Variants in DLGAP1 observed in about 807,000 individuals in gnomAD.
DLGAP1 encodes the protein DLG associated protein 1.
A neutral mutation model predicts 90.8 loss-of-function variants in DLGAP1; 11 were observed. The observed-to-expected ratio is 0.12, with a 90% CI of 0.08 to 0.20. DLGAP1 has a LOEUF of 0.20. Among genes scored for constraint, DLGAP1 ranks in the 10% least tolerant of loss-of-function variants. The pLI is 1.00. For synonymous variants in DLGAP1, 558 were observed against 540.7 expected (o/e 1.03, Z -0.44); for missense variants, 1,050 against 1,333.8 (o/e 0.79, Z 3.31).
At chr18:4,045,481 C>T (rs2075039253) in intron 2 of DLGAP1, among the ~76,000 whole-genome samples, 1 of 131,590 alleles carries the variant, frequency 7.6e-6, no homozygotes, top group Non-Finnish European at 1.6e-5. Flanking sequence ...CCCCTGTAGT[C>T]CCAGTTACTT....
intron 9 of DLGAP1, among the ~76,000 whole-genome samples, chr18:3,559,827 T>G (rs975854916): frequency 1.3e-4 from 20 of 151,844 alleles, no homozygotes; most frequent in Non-Finnish European, 2.4e-4. Flanking sequence ...TTCACCATAT[T>G]GTCTAGGCTG....
At chr18:4,440,254 GA>G (rs1378665427) in intron 1 of DLGAP1, among the ~76,000 whole-genome samples, 2 of 151,514 alleles carry the variant, frequency 1.3e-5, no homozygotes, top group African/African-American at 4.8e-5. Flanking sequence ...AAATATTTTA[GA>G]AAATATTACT....
intron 7 of DLGAP1, among the ~76,000 whole-genome samples, chr18:3,627,110 AT>A (rs989426757): frequency 1.4e-4 from 21 of 151,514 alleles, no homozygotes; most frequent in East Asian, 3.9e-4. Flanking sequence ...AGTGCTAGTA[AT>A]TTTTTTTTAA....
Position 3,729,218 on chromosome 18 carries a change from G to C in DLGAP1, c.1508C>G (p.Ser503Cys). ...SYVRAIEKGC[S>C]QDDECVSLRS... is the part of the protein sequence containing the mutation. Reference sequence around the variant, plus strand: ...CAGGGACACGCACTCGTCGTCCTGGGAGCAGCCTTTCTCAATGGCCCGCAC... The same window carrying C: ...CAGGGACACGCACTCGTCGTCCTGGCAGCAGCCTTTCTCAATGGCCCGCAC... The change falls in exon 7 of 13, where the codon TCC becomes TGC. Residue 503 changes from serine to cysteine, a missense_variant. Physicochemically the swap from Ser to Cys is moderately radical, Grantham distance 112. Coordinates refer to ENST00000315677, the MANE Select transcript of DLGAP1 (RefSeq NM_004746.4). This position sits in a 1 kb window ranked among gnomAD's most constrained non-coding sequence, Gnocchi z 6.2. 6.2e-7 allele frequency: 1 copy of C among 1,613,854 alleles called. No individual in the cohort carries two copies. Among genetic ancestry groups the C allele is most frequent in the Non-Finnish European group, 8.5e-7 (1 of 1,179,888 alleles).
In DLGAP1 at chr18:3,880,027, G is replaced by T. The variant is rs1269712693; in HGVS notation, c.42C>A (p.Val14=). The change falls in exon 4 of 13, where the codon GTC becomes GTA. Residue 14 remains valine, a synonymous_variant. Transcript: ENST00000315677. The part of the protein sequence containing the change: ...LSGSRSHHHG[V]TCDSACDSLS... Reference sequence around the variant, plus strand: ...GCGAGTCACAGGCCGAGTCGCAGGTGACCCCGTGGTGATGGCTGCGGCTGC... The same window carrying T: ...GCGAGTCACAGGCCGAGTCGCAGGTTACCCCGTGGTGATGGCTGCGGCTGC... The T allele has an allele frequency of 6.2e-7, 1 of 1,607,204 alleles. No homozygotes were observed. Among genetic ancestry groups the T allele is most frequent in the Non-Finnish European group, 8.5e-7 (1 of 1,179,860 alleles).
intron 8 of DLGAP1, among the ~76,000 whole-genome samples, chr18:3,579,601 G>A (rs865913453): frequency 1.9e-4 from 29 of 152,272 alleles, no homozygotes; most frequent in Admixed American, 7.9e-4. Flanking sequence ...AAGGGTACCC[G>A]CAGACTGATA....
At chr18:4,109,281 A>C (rs1192743229) in intron 2 of DLGAP1, among the ~76,000 whole-genome samples, 1 of 152,018 alleles carries the variant, frequency 6.6e-6, no homozygotes, top group Non-Finnish European at 1.5e-5. Context: ...AGGCTCATGT[A>C]ATTATATTAG....
At chr18:4,194,745 A>C (rs936944753) in intron 1 of DLGAP1, among the ~76,000 whole-genome samples, 1 of 152,236 alleles carries the variant, frequency 6.6e-6, no homozygotes, top group Non-Finnish European at 1.5e-5. Context: ...GATACCTTCT[A>C]TCATTTAATA....
chr18:3,869,419 G>A (rs1161268514), intron 4 of DLGAP1, among the ~76,000 whole-genome samples: 2 of 152,276 alleles, frequency 1.3e-5, no homozygotes, highest in South Asian at 4.1e-4. Context: ...AGTCTGGCAC[G>A]GTGACCTGAG....
chr18:3,707,529 G>A (rs1005392661), intron 7 of DLGAP1, among the ~76,000 whole-genome samples: 1 of 151,922 alleles, frequency 6.6e-6, no homozygotes, highest in Admixed American at 6.6e-5. Flanking sequence ...GAATCTGGGA[G>A]GCAGAGGTTG....
At chr18:4,433,256 A>G (rs1452489160) in intron 1 of DLGAP1, among the ~76,000 whole-genome samples, 1 of 152,226 alleles carries the variant, frequency 6.6e-6, no homozygotes, top group Non-Finnish European at 1.5e-5. Context: ...CAATTTATTC[A>G]TCTGTAATAA....
At chr18:4,250,159 C>T (rs1212115601) in intron 1 of DLGAP1, among the ~76,000 whole-genome samples, 1 of 152,154 alleles carries the variant, frequency 6.6e-6, no homozygotes, top group African/African-American at 2.4e-5. Context: ...GCTTTTTTCT[C>T]TTCTGCTCCA....
At chr18:3,603,434 C>T (rs2057172286) in intron 7 of DLGAP1, 1 of 151,984 alleles carries the variant, frequency 6.6e-6, no homozygotes, top group Non-Finnish European at 1.5e-5. Flanking sequence ...AAAAGTTTTC[C>T]AGGGAGTGAG....
intron 1 of DLGAP1, among the ~76,000 whole-genome samples, chr18:4,253,525 C>T (rs2078825308): frequency 6.6e-6 from 1 of 152,118 alleles, no homozygotes; most frequent in Non-Finnish European, 1.5e-5. Flanking sequence ...ATTTTCATGC[C>T]TCAGCCTCCC....
intron 1 of DLGAP1, among the ~76,000 whole-genome samples, chr18:4,198,707 A>G (rs2077549130): frequency 1.3e-5 from 2 of 152,248 alleles, no homozygotes; most frequent in South Asian, 4.1e-4. Context: ...TTTAACAAGA[A>G]TAAGGATAAG....
intron 1 of DLGAP1, chr18:4,293,204 A>T (rs2079893097): frequency 6.6e-6 from 1 of 152,226 alleles, no homozygotes; most frequent in Admixed American, 6.5e-5. Context: ...ATCCGGTTCC[A>T]ATAATGAAGA....
chr18:4,148,556 G>A (rs1399810237), intron 2 of DLGAP1, among the ~76,000 whole-genome samples: 1 of 152,126 alleles, frequency 6.6e-6, no homozygotes, highest in Non-Finnish European at 1.5e-5. Flanking sequence ...AGGATGTCCA[G>A]CCTCAAATGA....
At chr18:3,940,060 A>G (rs1193875167) in intron 3 of DLGAP1, among the ~76,000 whole-genome samples, 2 of 152,234 alleles carry the variant, frequency 1.3e-5, no homozygotes, top group East Asian at 3.8e-4. Context: ...AGGCTGGGTC[A>G]TAAGAGACAT....
At chr18:3,561,470 A>G (rs1333724179) in intron 9 of DLGAP1, among the ~76,000 whole-genome samples, 1 of 148,814 alleles carries the variant, frequency 6.7e-6, no homozygotes, top group Non-Finnish European at 1.5e-5. Flanking sequence ...CAGAAAAATG[A>G]AAGTTTTTAT....
Sources: allele counts gnomAD v4.1 joint callset (sites outside exome capture counted in the v4.1 genomes callset), GRCh38; gene constraint gnomAD v4.1.1; non-coding constraint Gnocchi (gnomAD v3.1); transcripts MANE v1.5; gene names NCBI Gene and HGNC (gene_info 2026-07-23, HGNC 2026-07-21).